Variants in CFAP36 observed in about 807,000 individuals in gnomAD.
CFAP36 encodes cilia and flagella associated protein 36.
Under a neutral mutation model 50.5 loss-of-function variants are expected in CFAP36, and 37 were observed. The observed-to-expected ratio is 0.73, with a 90% CI of 0.56 to 0.96. The LOEUF (loss-of-function observed/expected upper bound fraction) is 0.96. Among genes scored for constraint, CFAP36 ranks in the 50% least tolerant of loss-of-function variants. The probability of loss-of-function intolerance (pLI) is 0.00; values close to 1 mark genes in which losing one functional copy is unlikely to be tolerated. For missense variants in CFAP36, 407 were observed against 396.2 expected, an observed-to-expected ratio of 1.03 and a Z score of -0.23; for synonymous variants, 138 against 128.2, an observed-to-expected ratio of 1.08 and a Z score of -0.52.
intron 3 of CFAP36, among the ~76,000 whole-genome samples, chr2:55,527,891 C>CA (rs1021521257): frequency 2.0e-5 from 3 of 151,882 alleles, no homozygotes; most frequent in Middle Eastern, 3.2e-3. Flanking sequence ...ACATGTGGGC[C>CA]AGGCATGGTG....
At chr2:55,530,893 G>A (rs981234803) in intron 4 of CFAP36, 15 of 152,124 alleles carry the variant, frequency 9.9e-5, no homozygotes, top group Admixed American at 3.3e-4. Context: ...TGTATCGTTG[G>A]CTCTTAAGGG....
intron 7 of CFAP36, chr2:55,538,616 T>A (rs749347751): frequency 1.7e-6 from 1 of 577,952 alleles, no homozygotes; most frequent in Admixed American, 3.4e-5. Context: ...TTTAAAAAAA[T>A]TATTTTTGTT....
At chr2:55,533,520 T>C (rs1235328443) in intron 4 of CFAP36, among the ~76,000 whole-genome samples, 1 of 151,752 alleles carries the variant, frequency 6.6e-6, no homozygotes, top group African/African-American at 2.4e-5. Context: ...CCTGCCGACA[T>C]GGTGAAACCC....
Position 55,522,166 on chromosome 2 carries a change from A to G in CFAP36, c.180A>G (p.Leu60=), listed in dbSNP as rs1049032381. Residue 60 remains leucine (L), a splice_region_variant and synonymous_variant, in exon 2 of 10, where the codon CTA becomes CTG. Coordinates refer to ENST00000349456, the MANE Select transcript of CFAP36 (RefSeq NM_080667.7). ...AGATTCATCAGGAATACAAAGAACT[A>G]GTGAGTATTTTTTTTCACTGATTTT... ...YTEIHQEYKE[L]VEKLLEGYLK... The G allele has an allele frequency of 2.0e-6, 3 of 1,497,928 alleles. No homozygotes were observed. The highest frequency in any genetic ancestry group is 1.4e-5 in the African/African-American group (1 of 71,534). The allele number at this position is 1,497,928 out of a possible 1,614,324, so 92.8% of individuals were successfully genotyped here.
chr2:55,520,749 G>T (rs1290658476), intron 1 of CFAP36, among the ~76,000 whole-genome samples: 2 of 152,164 alleles, frequency 1.3e-5, no homozygotes, highest in Non-Finnish European at 2.9e-5. Flanking sequence ...TTTGAGGGTA[G>T]TAGTATTCAT....
At chr2:55,536,391 A>G (rs1684488810) in intron 6 of CFAP36, among the ~76,000 whole-genome samples, 1 of 151,896 alleles carries the variant, frequency 6.6e-6, no homozygotes, top group African/African-American at 2.4e-5. Context: ...TCGGCCTCCC[A>G]AAGTGCTGGG....
At chr2:55,530,101 A>T (rs945500715) in intron 4 of CFAP36, among the ~76,000 whole-genome samples, 6 of 152,072 alleles carry the variant, frequency 3.9e-5, no homozygotes, top group African/African-American at 1.4e-4. Flanking sequence ...GTGTTGTGGG[A>T]GGGACCCAGT....
chr2:55,535,191 A>G (rs985875611), intron 5 of CFAP36, among the ~76,000 whole-genome samples: 3 of 152,222 alleles, frequency 2.0e-5, no homozygotes, highest in Non-Finnish European at 4.4e-5. Flanking sequence ...ATGAACATGT[A>G]TAACAGTTGA....
intron 2 of CFAP36, among the ~76,000 whole-genome samples, chr2:55,522,367 G>C (rs1210287375): frequency 6.6e-6 from 1 of 151,994 alleles, no homozygotes; most frequent in Admixed American, 6.5e-5. Flanking sequence ...TCTACTCTAA[G>C]GAATGGTTTT....
chr2:55,524,082 A>T (rs903696193), intron 3 of CFAP36, among the ~76,000 whole-genome samples: 2 of 152,212 alleles, frequency 1.3e-5, no homozygotes, highest in Non-Finnish European at 2.9e-5. Flanking sequence ...TATACAAACT[A>T]CTGTTTTATT....
At chr2:55,522,302 A>T in intron 2 of CFAP36, 136 bp downstream of exon 2, 1 of 537,250 alleles carries the variant, frequency 1.9e-6, no homozygotes, top group East Asian at 3.1e-5. Context: ...CAATAGTGCC[A>T]GTTATATCTG....
chr2:55,519,963 C>G, intron 1 of CFAP36, 47 bp downstream of exon 1: 1 of 1,566,960 alleles, frequency 6.4e-7, no homozygotes, highest in Non-Finnish European at 8.8e-7. Context: ...CTCTCTCACA[C>G]CAGCGGCGGG....
At chr2:55,544,441 G>C in intron 9 of CFAP36, 72 bp downstream of exon 9, 1 of 1,481,896 alleles carries the variant, frequency 6.7e-7, no homozygotes, top group Non-Finnish European at 9.1e-7. Flanking sequence ...ATATGTGCAA[G>C]AAAGCCTCTA....
intron 3 of CFAP36, among the ~76,000 whole-genome samples, chr2:55,527,235 C>T (rs1574614904): frequency 6.6e-6 from 1 of 152,122 alleles, no homozygotes; most frequent in African/African-American, 2.4e-5. Context: ...CACCCTCTGT[C>T]AGTATTGGAC....
intron 2 of CFAP36, 145 bp downstream of exon 2, chr2:55,522,311 T>C (rs1684090506): frequency 3.8e-6 from 2 of 532,810 alleles, no homozygotes; most frequent in East Asian, 6.1e-5. Flanking sequence ...CAGTTATATC[T>C]GTCTCCACAG....
At chr2:55,526,044 C>T in intron 3 of CFAP36, among the ~76,000 whole-genome samples, 1 of 152,168 alleles carries the variant, frequency 6.6e-6, no homozygotes, top group East Asian at 1.9e-4. Flanking sequence ...CGGAGAAATC[C>T]TCATTATCAG....
At chr2:55,540,196 C>G (rs1248889472) in intron 7 of CFAP36, among the ~76,000 whole-genome samples, 2 of 152,144 alleles carry the variant, frequency 1.3e-5, no homozygotes, top group African/African-American at 4.8e-5. Flanking sequence ...TCAAAAAAGT[C>G]ATCACCATAC....
chr2:55,541,141 G>A (rs1291357141), intron 7 of CFAP36, among the ~76,000 whole-genome samples: 1 of 152,116 alleles, frequency 6.6e-6, no homozygotes, highest in East Asian at 1.9e-4. Flanking sequence ...TGGCCAACAT[G>A]GTGAAACTCC....
chr2:55,531,045 A>G (rs1051195887), intron 4 of CFAP36: 23 of 152,178 alleles, frequency 1.5e-4, no homozygotes, highest in African/African-American at 4.1e-4. Flanking sequence ...ATCATCTACT[A>G]GAATCCCAAG....
Sources: gnomAD v4.1 joint callset for allele counts (sites outside exome capture counted in the v4.1 genomes callset) on GRCh38, gnomAD v4.1.1 for gene constraint, MANE v1.5 for transcripts, NCBI Gene and HGNC (gene_info 2026-07-23, HGNC 2026-07-21) for gene names.